Variants in IRF8 observed in about 807,000 individuals in gnomAD.
IRF8 encodes interferon regulatory factor 8, also known as interferon consensus sequence binding protein 1.
IRF8 carries 14 observed loss-of-function variants against 48.7 expected under a neutral mutation model. The observed-to-expected ratio is 0.29, with a 90% CI of 0.19 to 0.45. The LOEUF (loss-of-function observed/expected upper bound fraction) is 0.45, where lower values mean the gene tolerates loss of function less well. Among genes scored for constraint, IRF8 ranks in the 20% least tolerant of loss-of-function variants. The pLI, the probability that IRF8 is intolerant of heterozygous loss-of-function variation, is 1.00. For synonymous variants in IRF8, 278 were observed against 227.3 expected, an observed-to-expected ratio of 1.22 and a Z score of -2.01; for missense variants, 493 against 580.7, an observed-to-expected ratio of 0.85 and a Z score of 1.55.
chr16:85,911,531 C>T (rs762333854), intron 3 of IRF8, 39 bp from the exon 4 acceptor site: 1 of 1,548,616 alleles, frequency 6.5e-7, no homozygotes, highest in Admixed American at 1.7e-5. Flanking sequence ...TGTGATGCCT[C>T]CGTGCCATGT....
intron 2 of IRF8, among the ~76,000 whole-genome samples, chr16:85,907,080 A>ATC (rs2152100162): frequency 6.6e-6 from 1 of 152,372 alleles, no homozygotes; most frequent in Admixed American, 6.5e-5. Context: ...AGAGAGCATT[A>ATC]AAGACCGTGT....
intron 2 of IRF8, 132 bp from the exon 3 acceptor site, chr16:85,908,858 G>A: frequency 1.2e-6 from 1 of 844,178 alleles, no homozygotes; most frequent in Non-Finnish European, 2.0e-6. Context: ...TTTGGGTCCT[G>A]AAATTGAATG....
chr16:85,912,718 T>C (rs12923978), intron 4 of IRF8, among the ~76,000 whole-genome samples: 34,337 of 152,218 alleles, frequency 0.23, 4,078 homozygotes, highest in East Asian at 0.42. Context: ...GGGCCAGAGA[T>C]TGAACATCTG....
chr16:85,904,626 T>C (rs1361229692), intron 2 of IRF8, among the ~76,000 whole-genome samples: 1 of 152,060 alleles, frequency 6.6e-6, no homozygotes, highest in Non-Finnish European at 1.5e-5. Flanking sequence ...CGCCAAGGAA[T>C]ATGGGGACAA....
At chr16:85,916,877 G>A (rs987800359) in intron 6 of IRF8, among the ~76,000 whole-genome samples, 1 of 152,134 alleles carries the variant, frequency 6.6e-6, no homozygotes, top group African/African-American at 2.4e-5. Flanking sequence ...AGGGAAGAGC[G>A]AGACCAGTGC....
chr16:85,901,955 A>G (rs1904839644), intron 1 of IRF8, among the ~76,000 whole-genome samples: 1 of 148,920 alleles, frequency 6.7e-6, no homozygotes, highest in African/African-American at 2.5e-5. Flanking sequence ...GTGGGCGTCT[A>G]TCCAGCTGTC....
intron 5 of IRF8, among the ~76,000 whole-genome samples, chr16:85,913,514 A>G (rs1368264834): frequency 6.6e-6 from 1 of 152,234 alleles, no homozygotes; most frequent in Non-Finnish European, 1.5e-5. Flanking sequence ...CGCTCCTGGG[A>G]AAGTCCAGGG....
chr16:85,902,814 G>T, intron 1 of IRF8: 1 of 633,420 alleles, frequency 1.6e-6, no homozygotes, highest in East Asian at 2.8e-5. Flanking sequence ...GGAGCTTTCA[G>T]TTTGCACTCA....
intron 2 of IRF8, chr16:85,903,592 C>G (rs1026700965): frequency 7.3e-6 from 2 of 272,544 alleles, no homozygotes; most frequent in African/African-American, 4.5e-5. Flanking sequence ...ATACTTCTGC[C>G]TGGCATTGTA....
chr16:85,911,763 C>CAGCGAGCCCGA, intron 4 of IRF8, 105 bp downstream of exon 4: 1 of 920,176 alleles, frequency 1.1e-6, no homozygotes. Context: ...GCCAGACCCT[C>CAGCGAGCCCGA]GGGCTCGCTG....
At chr16:85,919,889 C>T (rs189842775) in intron 7 of IRF8, among the ~76,000 whole-genome samples, 7 of 152,328 alleles carry the variant, frequency 4.6e-5, no homozygotes, top group Admixed American at 1.3e-4. Flanking sequence ...CATGGAGAGG[C>T]GTTCAAACGA....
intron 2 of IRF8, 43 bp from the exon 3 acceptor site, chr16:85,908,947 G>C (rs751390336): frequency 6.5e-6 from 10 of 1,526,746 alleles, no homozygotes; most frequent in Non-Finnish European, 9.1e-6. Context: ...ATTTGTGATT[G>C]GAGTCGGCCA....
chr16:85,917,462 A>G (rs1905351941), intron 6 of IRF8, among the ~76,000 whole-genome samples: 1 of 152,168 alleles, frequency 6.6e-6, no homozygotes, highest in Non-Finnish European at 1.5e-5. Flanking sequence ...TTTTCCTCAA[A>G]TCTTAATCTT....
At chr16:85,900,002 G>C (rs968268783) in intron 1 of IRF8, among the ~76,000 whole-genome samples, 1 of 152,116 alleles carries the variant, frequency 6.6e-6, no homozygotes, top group Admixed American at 6.5e-5. Context: ...TTAAACCAAA[G>C]GTAAGAACTG....
chr16:85,918,328 G>T (rs763370344), intron 6 of IRF8, 89 bp from the exon 7 acceptor site: 1 of 1,440,418 alleles, frequency 6.9e-7, no homozygotes, highest in Non-Finnish European at 9.3e-7. Flanking sequence ...AGAGTTACCC[G>T]TGTAGGTGTG....
chr16:85,911,065 G>A (rs1905127566), intron 3 of IRF8, among the ~76,000 whole-genome samples: 2 of 151,528 alleles, frequency 1.3e-5, no homozygotes, highest in Admixed American at 6.6e-5. Flanking sequence ...AGGGTGCTGC[G>A]GTGTGTGTGT....
At chr16:85,907,530 T>G (rs969049817) in intron 2 of IRF8, among the ~76,000 whole-genome samples, 1 of 152,060 alleles carries the variant, frequency 6.6e-6, no homozygotes, top group African/African-American at 2.4e-5. Flanking sequence ...ATACAAAAAT[T>G]AGCTGGGTAT....
chr16:85,899,991 T>G (rs573955560), intron 1 of IRF8, among the ~76,000 whole-genome samples: 1 of 152,322 alleles, frequency 6.6e-6, no homozygotes, highest in African/African-American at 2.4e-5. Context: ...ACTTTCTTTT[T>G]TTAAACCAAA....
chr16:85,908,434 C>A (rs995069171), intron 2 of IRF8, among the ~76,000 whole-genome samples: 1 of 152,146 alleles, frequency 6.6e-6, no homozygotes, highest in Non-Finnish European at 1.5e-5. Flanking sequence ...TACTTCATTA[C>A]ATTTTAAACA....
Sources: allele counts gnomAD v4.1 joint callset (sites outside exome capture counted in the v4.1 genomes callset), GRCh38; gene constraint gnomAD v4.1.1; transcripts MANE v1.5; gene names NCBI Gene and HGNC (gene_info 2026-07-23, HGNC 2026-07-21).